DAB1: variants seen among roughly 807,000 people sequenced by gnomAD.
DAB1 encodes the protein DAB adaptor protein 1.
Under a neutral mutation model 64.6 loss-of-function variants are expected in DAB1, and 15 were observed. The ratio of observed to expected loss-of-function variants is 0.23; its 90% CI spans 0.16 to 0.36. The LOEUF is 0.36. DAB1 is among the 10% of genes least tolerant of loss of function. The probability of loss-of-function intolerance (pLI) is 1.00; values close to 1 mark genes in which losing one functional copy is unlikely to be tolerated. For missense variants in DAB1, 596 were observed against 706.7 expected (o/e 0.84, Z 1.78); for synonymous variants, 235 against 251.9 (o/e 0.93, Z 0.64).
At chr1:57,759,577 A>T (rs576697961) in intron 6 of DAB1, among the ~76,000 whole-genome samples, 1 of 152,206 alleles carries the variant, frequency 6.6e-6, no homozygotes, top group Non-Finnish European at 1.5e-5. Flanking sequence ...AGAGTATTAT[A>T]TCTAGGCCAC....
At chr1:57,277,397 A>G (rs1671552196) in intron 2 of DAB1, among the ~76,000 whole-genome samples, 1 of 152,128 alleles carries the variant, frequency 6.6e-6, no homozygotes, top group Non-Finnish European at 1.5e-5. Flanking sequence ...ACAAACATAT[A>G]TATCATGTAT....
intron 5 of DAB1, among the ~76,000 whole-genome samples, chr1:58,007,442 T>C (rs1256312029): frequency 1.3e-5 from 2 of 152,202 alleles, no homozygotes. Flanking sequence ...TTTCCCACTT[T>C]AACAGCCACA....
intron 2 of DAB1, among the ~76,000 whole-genome samples, chr1:57,216,366 T>G (rs1013739981): frequency 6.6e-6 from 1 of 152,094 alleles, no homozygotes; most frequent in Non-Finnish European, 1.5e-5. Flanking sequence ...CTTTATATAA[T>G]CATAAAGAAG....
At chr1:57,336,448 A>C (rs192662790) in intron 1 of DAB1, among the ~76,000 whole-genome samples, 60 of 152,350 alleles carry the variant, frequency 3.9e-4, no homozygotes, top group African/African-American at 1.4e-3. Flanking sequence ...ATGCAGCCCA[A>C]GTATGCTAAT....
At chr1:58,494,935 T>C (rs986525606) in intron 3 of DAB1, among the ~76,000 whole-genome samples, 1 of 152,144 alleles carries the variant, frequency 6.6e-6, no homozygotes, top group Non-Finnish European at 1.5e-5. Context: ...ACCTAAAGGA[T>C]TATAAATCAT....
intron 9 of DAB1, among the ~76,000 whole-genome samples, chr1:57,045,731 G>A (rs939821595): frequency 1.2e-4 from 18 of 152,004 alleles, no homozygotes; most frequent in Admixed American, 1.2e-3. Context: ...AAGAAAGTGG[G>A]ATGGGGAACC....
chr1:57,482,898 CA>C (rs1334572644), intron 7 of DAB1, among the ~76,000 whole-genome samples: 3 of 152,114 alleles, frequency 2.0e-5, no homozygotes, highest in Non-Finnish European at 4.4e-5. Context: ...TGTCTTACTT[CA>C]ACACAAAAGA....
chr1:57,179,976 C>T (rs940338853), intron 2 of DAB1, among the ~76,000 whole-genome samples: 3 of 151,936 alleles, frequency 2.0e-5, no homozygotes, highest in Admixed American at 6.6e-5. Flanking sequence ...CTAGTTTTTC[C>T]GGGATGAAAA....
At chr1:58,276,497 T>G (rs939557075) in intron 4 of DAB1, among the ~76,000 whole-genome samples, 1 of 152,112 alleles carries the variant, frequency 6.6e-6, no homozygotes, top group African/African-American at 2.4e-5. Context: ...GTAGACACCT[T>G]CAAAACAGAG....
At chr1:57,992,757 C>T (rs1248948586) in intron 5 of DAB1, among the ~76,000 whole-genome samples, 3 of 151,830 alleles carry the variant, frequency 2.0e-5, no homozygotes, top group Non-Finnish European at 4.4e-5. Flanking sequence ...GGTGTTTTAC[C>T]ATGTATCTAG....
At chr1:57,033,349 A>G (rs985214438) in intron 9 of DAB1, 5 of 1,605,112 alleles carry the variant, frequency 3.1e-6, no homozygotes, top group South Asian at 1.1e-5. Context: ...GAGTATGAGC[A>G]GAACAACCTA....
intron 7 of DAB1, among the ~76,000 whole-genome samples, chr1:57,548,410 T>C (rs1644878886): frequency 1.3e-5 from 2 of 152,134 alleles, no homozygotes; most frequent in Admixed American, 1.3e-4. Flanking sequence ...TAGAAGGAAC[T>C]GCTCTTTATT....
At chr1:57,198,362 A>T (rs1664802034) in intron 2 of DAB1, among the ~76,000 whole-genome samples, 1 of 152,170 alleles carries the variant, frequency 6.6e-6, no homozygotes, top group African/African-American at 2.4e-5. Context: ...GAGCAGGAGA[A>T]TTAAATAGAA....
chr1:58,286,718 T>A (rs1383788991), intron 4 of DAB1, among the ~76,000 whole-genome samples: 1 of 152,164 alleles, frequency 6.6e-6, no homozygotes, highest in African/African-American at 2.4e-5. Flanking sequence ...ACACTGTTGG[T>A]GGGAATGTAA....
At chr1:58,347,041 T>C (rs1251667926) in intron 3 of DAB1, among the ~76,000 whole-genome samples, 1 of 152,128 alleles carries the variant, frequency 6.6e-6, no homozygotes, top group African/African-American at 2.4e-5. Flanking sequence ...AAATACATGA[T>C]AGAAAAGGTA....
At chr1:57,209,852 C>A (rs1029013637) in intron 2 of DAB1, among the ~76,000 whole-genome samples, 63 of 152,218 alleles carry the variant, frequency 4.1e-4, no homozygotes, top group African/African-American at 1.5e-3. Flanking sequence ...CACACCAGTC[C>A]CTCTCTCAAC....
At chr1:57,468,283 G>A (rs12407896) in intron 7 of DAB1, among the ~76,000 whole-genome samples, 59,882 of 152,012 alleles carry the variant, frequency 0.39, 13,721 homozygotes, top group Non-Finnish European at 0.54. Context: ...CTAAAAGCAC[G>A]GAGGGAGGAG....
chr1:57,198,018 T>G (rs1664775123), intron 2 of DAB1, among the ~76,000 whole-genome samples: 1 of 152,132 alleles, frequency 6.6e-6, no homozygotes, highest in Non-Finnish European at 1.5e-5. Context: ...TCTTTGCACA[T>G]AAAATAATGA....
chr1:58,128,841 C>T (rs1653319649), intron 5 of DAB1, among the ~76,000 whole-genome samples: 1 of 149,258 alleles, frequency 6.7e-6, no homozygotes, highest in Admixed American at 6.7e-5. Context: ...TTTTGATGTG[C>T]TGCTGGATTT....
Sources: allele counts gnomAD v4.1 joint callset (sites outside exome capture counted in the v4.1 genomes callset), GRCh38; gene constraint gnomAD v4.1.1; transcripts MANE v1.5; gene names NCBI Gene and HGNC (gene_info 2026-07-23, HGNC 2026-07-21).